The following EFCAB3 variants were observed in gnomAD, a reference collection of about 807,000 sequenced individuals.
EFCAB3 encodes the protein EF-hand calcium binding domain 3.
A neutral mutation model predicts 42.2 loss-of-function variants in EFCAB3; 36 were observed. The observed-to-expected ratio is 0.85, with a 90% CI of 0.65 to 1.13. The LOEUF (loss-of-function observed/expected upper bound fraction) is 1.13. Among genes scored for constraint, EFCAB3 ranks in the 50% most tolerant of loss-of-function variants. EFCAB3 has a pLI of 0.00. For missense variants in EFCAB3, 418 were observed against 505.1 expected, an observed-to-expected ratio of 0.83 and a Z score of 1.65; for synonymous variants, 170 against 172.8, an observed-to-expected ratio of 0.98 and a Z score of 0.13.
intron 2 of EFCAB3, 31 bp downstream of exon 2, chr17:62,383,084 G>A (rs1253350977): frequency 1.5e-5 from 24 of 1,556,546 alleles, no homozygotes; most frequent in Non-Finnish European, 2.0e-5. Flanking sequence ...GGTGATAAAT[G>A]TATTATGATA....
At chr17:62,377,859 A>G (rs1329455768), upstream of EFCAB3, 2 of 836,608 alleles carry the variant, frequency 2.4e-6, no homozygotes, top group African/African-American at 3.5e-5. Context: ...ACATTTTCTT[A>G]ATTTTTTCAC....
intron 6 of EFCAB3, among the ~76,000 whole-genome samples, chr17:62,401,754 A>G (rs1567726547): frequency 1.3e-5 from 2 of 152,092 alleles, no homozygotes; most frequent in Non-Finnish European, 2.9e-5. Context: ...TTTGCTTAGG[A>G]TTGTCATGGC....
At chr17:62,395,222 C>G (rs781350376) in intron 6 of EFCAB3, 34 bp downstream of exon 6, 1 of 1,608,444 alleles carries the variant, frequency 6.2e-7, no homozygotes. Context: ...AAACAGCCTT[C>G]TCAGAAGCAT....
rs577711881 is a variant in EFCAB3, at chr17:62,413,169, C to CA, written c.868-555dup. Among the ~76,000 whole-genome samples the CA allele has an allele frequency of 5.5e-3, 828 of 151,432 alleles. 11 individuals are homozygous for CA. Among genetic ancestry groups the CA allele is most frequent in the African/African-American group, 0.017 (711 of 41,306 alleles). On this transcript the variant is annotated intron_variant, in intron 8 of 9. Coordinates refer to ENST00000305286, the MANE Select transcript of EFCAB3 (RefSeq NM_173503.4). Reference sequence around the variant, plus strand: ...TCAAGATCAAAAATCTCCATATGGCCAAAAAAAATCACAGTTGCCACTCAT... The same window carrying CA: ...TCAAGATCAAAAATCTCCATATGGCCAAAAAAAAATCACAGTTGCCACTCAT...
intron 8 of EFCAB3, among the ~76,000 whole-genome samples, chr17:62,408,696 G>A (rs1442449416): frequency 1.3e-5 from 2 of 152,274 alleles, no homozygotes; most frequent in Admixed American, 1.3e-4. Context: ...CCATTATTGA[G>A]GAAAATGTTA....
upstream of EFCAB3, among the ~76,000 whole-genome samples, chr17:62,376,383 G>C (rs962419762): frequency 6.6e-6 from 1 of 152,102 alleles, no homozygotes; most frequent in Non-Finnish European, 1.5e-5. Context: ...AGAACCACTT[G>C]AACCTGGGAG....
intron 5 of EFCAB3, 91 bp from the exon 6 acceptor site, chr17:62,394,977 G>T: frequency 1.3e-6 from 2 of 1,495,706 alleles, no homozygotes; most frequent in South Asian, 2.7e-5. Context: ...TTCCTGACTT[G>T]ATATTATTAT....
chr17:62,380,176 A>G (rs572609898), upstream of EFCAB3, among the ~76,000 whole-genome samples: 2 of 152,168 alleles, frequency 1.3e-5, no homozygotes, highest in Admixed American at 6.5e-5. Flanking sequence ...TAATTTTTGT[A>G]TTTTTAATAG....
chr17:62,380,085 T>G (rs1044020609), upstream of EFCAB3, among the ~76,000 whole-genome samples: 1 of 152,190 alleles, frequency 6.6e-6, no homozygotes, highest in African/African-American at 2.4e-5. Flanking sequence ...CACTGCAACC[T>G]CTGCCTCCCA....
intron 8 of EFCAB3, 81 bp from the exon 9 acceptor site, chr17:62,413,651 T>C (rs2070518774): frequency 1.0e-5 from 11 of 1,101,790 alleles, no homozygotes; most frequent in East Asian, 7.9e-5. Flanking sequence ...TATAATAAAA[T>C]ATACTTATTT....
chr17:62,401,646 A>G (rs2070403953), intron 6 of EFCAB3, among the ~76,000 whole-genome samples: 1 of 152,058 alleles, frequency 6.6e-6, no homozygotes, highest in Non-Finnish European at 1.5e-5. Context: ...CCATTTGTCT[A>G]TATCTCTGTT....
At chr17:62,389,047 C>G (rs2070280275) in intron 3 of EFCAB3, among the ~76,000 whole-genome samples, 1 of 152,168 alleles carries the variant, frequency 6.6e-6, no homozygotes, top group Non-Finnish European at 1.5e-5. Context: ...TGTGGGGCCA[C>G]AAGAGGAAGC....
chr17:62,391,935 T>G lies in EFCAB3; in HGVS notation c.265T>G (p.Tyr89Asp), dbSNP rs769513342. 6.2e-7 allele frequency: 1 copy of G among 1,610,920 alleles called. No homozygotes were observed. Among genetic ancestry groups the G allele is most frequent in the East Asian group, 2.2e-5 (1 of 44,830 alleles). The change falls in exon 4 of 10, where the codon TAT (tyrosine) becomes GAT (aspartate). Residue 89 changes from tyrosine (Y) to aspartate (D), a missense_variant. Coordinates refer to ENST00000305286, the MANE Select transcript of EFCAB3 (RefSeq NM_173503.4). Reference protein sequence around the residue: ...LGMNLTKHDVYNELKCADIDR... With the variant: ...LGMNLTKHDVDNELKCADIDR... ...AATGAATCTGACCAAGCATGATGTC[T>G]ATAATGAATTGAAATGTGCTGATAT...
chr17:62,375,327 G>A (rs533895301), intron 2 of EFCAB3, among the ~76,000 whole-genome samples: 5 of 152,188 alleles, frequency 3.3e-5, no homozygotes, highest in African/African-American at 1.2e-4. Flanking sequence ...TGTTGTTGGT[G>A]CCAGAAAACT....
At chr17:62,386,999 C>T (rs9908956) in intron 2 of EFCAB3, among the ~76,000 whole-genome samples, 97,671 of 151,984 alleles carry the variant, frequency 0.64, 38,273 homozygotes, top group Non-Finnish European at 0.87. Flanking sequence ...GCTACGTTGC[C>T]CAAGCTGGTC....
At chr17:62,385,578 T>A (rs1413287209) in intron 2 of EFCAB3, among the ~76,000 whole-genome samples, 5 of 152,196 alleles carry the variant, frequency 3.3e-5, no homozygotes, top group African/African-American at 9.7e-5. Flanking sequence ...AGAACAGTTT[T>A]GAGACTATCA....
At chr17:62,415,914 G>A in intron 9 of EFCAB3, 89 bp from the exon 10 acceptor site, 1 of 1,125,896 alleles carries the variant, frequency 8.9e-7, no homozygotes, top group Non-Finnish European at 1.3e-6. Flanking sequence ...GTAGCCCAGG[G>A]ACATAACTCT....
At chr17:62,383,439 A>G (rs1386890167) in intron 2 of EFCAB3, among the ~76,000 whole-genome samples, 1 of 152,148 alleles carries the variant, frequency 6.6e-6, no homozygotes, top group African/African-American at 2.4e-5. Context: ...GTGCCACTGC[A>G]CTCCAGCCTG....
At chr17:62,415,066 T>A (rs1212824693) in intron 9 of EFCAB3, among the ~76,000 whole-genome samples, 2 of 151,518 alleles carry the variant, frequency 1.3e-5, no homozygotes, top group Non-Finnish European at 2.9e-5. Flanking sequence ...ATCGTACTAC[T>A]GCAGTCCAGG....
Sources: allele counts gnomAD v4.1 joint callset (sites outside exome capture counted in the v4.1 genomes callset), GRCh38; gene constraint gnomAD v4.1.1; transcripts MANE v1.5; gene names NCBI Gene and HGNC (gene_info 2026-07-23, HGNC 2026-07-21).